The following ZFAND3 variants were observed in gnomAD, a reference collection of about 807,000 sequenced individuals.
ZFAND3 encodes the protein AN1-type zinc finger protein 3.
A neutral mutation model predicts 29.6 loss-of-function variants in ZFAND3; 10 were observed. The ratio of observed to expected loss-of-function variants is 0.34; its 90% CI spans 0.21 to 0.57. The LOEUF is 0.57. Among genes scored for constraint, ZFAND3 ranks in the 20% least tolerant of loss-of-function variants. ZFAND3 has a pLI of 0.86. For missense variants in ZFAND3, 230 were observed against 304.5 expected, an observed-to-expected ratio of 0.76 and a Z score of 1.82; for synonymous variants, 128 against 112.6, an observed-to-expected ratio of 1.14 and a Z score of -0.87.
At chr6:37,879,926 C>T (rs1030310680) in intron 1 of ZFAND3, among the ~76,000 whole-genome samples, 5 of 152,194 alleles carry the variant, frequency 3.3e-5, no homozygotes, top group African/African-American at 1.2e-4. Context: ...TACTAACCAC[C>T]TGGCTGTATT....
At chr6:38,141,867 C>T (rs566125028) in intron 5 of ZFAND3, among the ~76,000 whole-genome samples, 1 of 152,216 alleles carries the variant, frequency 6.6e-6, no homozygotes, top group South Asian at 2.1e-4. Flanking sequence ...GACCCCACCC[C>T]GAAGAATCAT....
chr6:37,989,161 A>G (rs2645129), intron 2 of ZFAND3, among the ~76,000 whole-genome samples: 145,098 of 152,312 alleles, frequency 0.95, 69,441 homozygotes, highest in East Asian at 1. Flanking sequence ...GCCTGCCTTG[A>G]CCTCCCACAG....
rs533942057 is a variant in ZFAND3, at chr6:38,075,195, G to A, written c.296-7197G>A. ...AACTACATTTTACAAGGCTATAGCTGCCATAGATACTGATTCCTCTCATGG... is the reference window on the plus strand; with the variant it reads ...AACTACATTTTACAAGGCTATAGCTACCATAGATACTGATTCCTCTCATGG... On this transcript the variant is annotated intron_variant, in intron 3 of 5. Transcript: ENST00000287218. 2.2e-4 allele frequency among the ~76,000 whole-genome samples: 33 copies of A among 152,280 alleles called. 1 individual carries two copies. In the South Asian group the frequency reaches 6.4e-3, roughly 30 times the overall value.
intron 4 of ZFAND3, among the ~76,000 whole-genome samples, chr6:38,106,447 G>A (rs1236973332): frequency 6.6e-6 from 1 of 152,144 alleles, no homozygotes; most frequent in Non-Finnish European, 1.5e-5. Context: ...ACCACTCCCG[G>A]CCTACAAATG....
intron 5 of ZFAND3, among the ~76,000 whole-genome samples, chr6:38,118,829 C>T (rs1379033387): frequency 6.6e-6 from 1 of 151,560 alleles, no homozygotes; most frequent in Non-Finnish European, 1.5e-5. Flanking sequence ...GCCAACTTGT[C>T]TAATCTCTGG....
chr6:37,898,739 GT>G, intron 1 of ZFAND3, among the ~76,000 whole-genome samples: 1 of 151,952 alleles, frequency 6.6e-6, no homozygotes, highest in East Asian at 1.9e-4. Flanking sequence ...TTTTTAACTT[GT>G]TTATTGTTTT....
chr6:37,939,570 A>G (rs1364169109), intron 2 of ZFAND3, among the ~76,000 whole-genome samples: 1 of 152,202 alleles, frequency 6.6e-6, no homozygotes, highest in African/African-American at 2.4e-5. Context: ...CATTCAGTCC[A>G]CTACGGGAAT....
At chr6:37,889,298 C>G (rs866075996) in intron 1 of ZFAND3, among the ~76,000 whole-genome samples, 4 of 152,146 alleles carry the variant, frequency 2.6e-5, no homozygotes, top group South Asian at 2.1e-4. Flanking sequence ...TGCCAACTTC[C>G]GACTCCCAGA....
chr6:37,990,256 C>T, intron 2 of ZFAND3, among the ~76,000 whole-genome samples: 1 of 152,166 alleles, frequency 6.6e-6, no homozygotes, highest in Admixed American at 6.5e-5. Context: ...GGGTTCTGAG[C>T]TTAAGCTCTG....
chr6:38,049,960 T>TTTTATTTTTTA (rs1561980796), intron 2 of ZFAND3, among the ~76,000 whole-genome samples: 2 of 33,944 alleles, frequency 5.9e-5, no homozygotes, highest in African/African-American at 2.7e-4. Flanking sequence ...TTTTTTTTTT[T>TTTTATTTTTTA]TTTTTTTTGG....
At chr6:38,114,557 A>G (rs1441941695) in intron 4 of ZFAND3, among the ~76,000 whole-genome samples, 1 of 152,228 alleles carries the variant, frequency 6.6e-6, no homozygotes, top group African/African-American at 2.4e-5. Flanking sequence ...ATTAAATGAG[A>G]TGAAAAATGA....
chr6:38,065,541 T>C (rs763783945), intron 3 of ZFAND3, among the ~76,000 whole-genome samples: 2 of 152,224 alleles, frequency 1.3e-5, no homozygotes, highest in African/African-American at 2.4e-5. Context: ...CAAAGTTCTT[T>C]AGATGCGGTA....
intron 1 of ZFAND3, among the ~76,000 whole-genome samples, chr6:37,886,950 G>A (rs1406428936): frequency 6.6e-6 from 1 of 152,216 alleles, no homozygotes; most frequent in Non-Finnish European, 1.5e-5. Flanking sequence ...GCTGCAGTGA[G>A]CTGACATCAC....
At chr6:37,840,647 C>T (rs1299082019) in intron 1 of ZFAND3, among the ~76,000 whole-genome samples, 1 of 152,232 alleles carries the variant, frequency 6.6e-6, no homozygotes, top group East Asian at 1.9e-4. Context: ...GGTTGCATTG[C>T]ATCTCCAGAT....
intron 5 of ZFAND3, among the ~76,000 whole-genome samples, chr6:38,141,921 A>C (rs1387458425): frequency 6.6e-6 from 1 of 152,208 alleles, no homozygotes; most frequent in East Asian, 1.9e-4. Flanking sequence ...CGGGTGCTTC[A>C]CAGGCACGGT....
At chr6:38,101,969 C>T (rs1765102927) in intron 4 of ZFAND3, among the ~76,000 whole-genome samples, 1 of 152,048 alleles carries the variant, frequency 6.6e-6, no homozygotes, top group Non-Finnish European at 1.5e-5. Flanking sequence ...TATAAACGTT[C>T]AAACATTTCC....
In ZFAND3 at chr6:37,962,778, C is replaced by A. The variant is rs140935355; in HGVS notation, c.112+32779C>A. The stretch of plus-strand genomic sequence containing the variant: ...AGCAAGGGCAACCCTCTCGGGTCCC[C>A]TTCCACGCTGTGGAAGCTTTGTTCT... On this transcript the variant is annotated intron_variant, in intron 2 of 5. Coordinates refer to ENST00000287218, the MANE Select transcript of ZFAND3 (RefSeq NM_021943.3). 0.017 allele frequency among the ~76,000 whole-genome samples: 2,586 copies of A among 152,268 alleles called. 251 individuals are homozygous for A. In the East Asian group the frequency reaches 0.28, roughly 16 times the overall value.
At chr6:38,006,553 A>G (rs914239621) in intron 2 of ZFAND3, among the ~76,000 whole-genome samples, 3 of 152,008 alleles carry the variant, frequency 2.0e-5, no homozygotes, top group Admixed American at 6.6e-5. Context: ...TCTCTTATGT[A>G]TAACACAGAG....
chr6:37,821,920 AC>A (rs1234389835), intron 1 of ZFAND3, among the ~76,000 whole-genome samples: 2 of 151,912 alleles, frequency 1.3e-5, no homozygotes, highest in African/African-American at 4.8e-5. Context: ...TGCAGCCTGC[AC>A]CTCCCGGGTT....
Sources: allele counts gnomAD v4.1 joint callset (sites outside exome capture counted in the v4.1 genomes callset), GRCh38; gene constraint gnomAD v4.1.1; transcripts MANE v1.5; gene names NCBI Gene and HGNC (gene_info 2026-07-23, HGNC 2026-07-21).